Variants in DLG2 observed in about 807,000 individuals in gnomAD.
DLG2 encodes disks large homolog 2.
DLG2 carries 45 observed loss-of-function variants against 132.5 expected under a neutral mutation model. That is an observed-to-expected ratio of 0.34 (90% confidence interval 0.27 to 0.44). DLG2 has a LOEUF of 0.44. Among genes scored for constraint, DLG2 ranks in the 20% least tolerant of loss-of-function variants. The pLI is 1.00. For synonymous variants in DLG2, 424 were observed against 419.6 expected (o/e 1.01, Z -0.13); for missense variants, 1,045 against 1,196.9 (o/e 0.87, Z 1.87).
At chr11:85,262,413 T>A (rs2076988514) in intron 4 of DLG2, among the ~76,000 whole-genome samples, 1 of 152,154 alleles carries the variant, frequency 6.6e-6, no homozygotes, top group South Asian at 2.1e-4. Flanking sequence ...AAGGAATTCT[T>A]AACAAGACCC....
chr11:83,529,213 C>T (rs564978006), intron 21 of DLG2, among the ~76,000 whole-genome samples: 2 of 152,242 alleles, frequency 1.3e-5, no homozygotes, highest in South Asian at 4.1e-4. Flanking sequence ...GAATTTATCC[C>T]AAGGTCCCAG....
intron 20 of DLG2, among the ~76,000 whole-genome samples, 178 bp from the exon 21 acceptor site, chr11:83,532,961 A>T (rs944318396): frequency 1.4e-4 from 22 of 152,192 alleles, no homozygotes; most frequent in African/African-American, 5.1e-4. Flanking sequence ...CTAAGTTTCT[A>T]ACATGTCCCT....
intron 8 of DLG2, among the ~76,000 whole-genome samples, chr11:84,192,562 C>T (rs2096432625): frequency 6.6e-6 from 1 of 151,956 alleles, no homozygotes; most frequent in South Asian, 2.1e-4. Flanking sequence ...AATCCTGTCT[C>T]TAATAAAAAT....
At chr11:84,764,896 T>C (rs151287412) in intron 6 of DLG2, among the ~76,000 whole-genome samples, 1 of 152,178 alleles carries the variant, frequency 6.6e-6, no homozygotes, top group Non-Finnish European at 1.5e-5. Context: ...GTTCAGTTCA[T>C]GGAGGATGAA....
chr11:83,989,911 T>C (rs914040541), intron 11 of DLG2, among the ~76,000 whole-genome samples: 15 of 152,074 alleles, frequency 9.9e-5, no homozygotes, highest in African/African-American at 3.6e-4. Context: ...TAAAGAAAAT[T>C]GGTTACCATT....
At chr11:84,582,052 A>G (rs760284816) in intron 6 of DLG2, among the ~76,000 whole-genome samples, 57 of 152,058 alleles carry the variant, frequency 3.7e-4, no homozygotes, top group Non-Finnish European at 7.8e-4. Context: ...AGAAAGCGGC[A>G]GGACTATGAT....
intron 6 of DLG2, among the ~76,000 whole-genome samples, chr11:84,911,159 G>C (rs1008944064): frequency 2.6e-5 from 4 of 152,014 alleles, no homozygotes; most frequent in African/African-American, 9.7e-5. Flanking sequence ...AACCCAATAA[G>C]GTGCAATGTT....
chr11:85,466,791 G>A (rs1366760832), intron 3 of DLG2, among the ~76,000 whole-genome samples: 1 of 152,108 alleles, frequency 6.6e-6, no homozygotes, highest in Non-Finnish European at 1.5e-5. Flanking sequence ...TTGGCAATGT[G>A]GGTTCTTTTT....
At chr11:84,587,099 G>A (rs1401816687) in intron 6 of DLG2, among the ~76,000 whole-genome samples, 1 of 151,720 alleles carries the variant, frequency 6.6e-6, no homozygotes, top group Non-Finnish European at 1.5e-5. Context: ...GGGAGAGTGT[G>A]AGAAGTACAT....
At chr11:83,680,054 G>C (rs1293378199) in intron 18 of DLG2, among the ~76,000 whole-genome samples, 2 of 152,052 alleles carry the variant, frequency 1.3e-5, no homozygotes, top group Non-Finnish European at 2.9e-5. Context: ...CCTGTAAGAG[G>C]GTTCTTGTCA....
chr11:85,587,553 A>G (rs919252164), intron 3 of DLG2, among the ~76,000 whole-genome samples: 2 of 152,058 alleles, frequency 1.3e-5, no homozygotes, highest in Admixed American at 1.3e-4. Context: ...TTCATGGGGT[A>G]TCTTTTTCCA....
At chr11:85,294,034 G>T (rs1009427743) in intron 3 of DLG2, among the ~76,000 whole-genome samples, 5 of 151,976 alleles carry the variant, frequency 3.3e-5, no homozygotes, top group African/African-American at 1.2e-4. Flanking sequence ...TTGAAGCCAG[G>T]AGTTTAAGAC....
chr11:84,593,536 C>T (rs1471478291), intron 6 of DLG2, among the ~76,000 whole-genome samples: 1 of 152,140 alleles, frequency 6.6e-6, no homozygotes, highest in Non-Finnish European at 1.5e-5. Flanking sequence ...TCTCAGCAAA[C>T]TAACACAGGA....
chr11:83,948,900 T>C (rs566398819), intron 14 of DLG2, among the ~76,000 whole-genome samples: 1 of 152,200 alleles, frequency 6.6e-6, no homozygotes, highest in Non-Finnish European at 1.5e-5. Context: ...CAAATACTTA[T>C]CTTTTCACTA....
intron 18 of DLG2, among the ~76,000 whole-genome samples, chr11:83,760,401 T>C (rs1256743275): frequency 6.6e-6 from 1 of 152,074 alleles, no homozygotes. Context: ...ACATATTCTT[T>C]CTCATTTCTA....
At chr11:84,070,095 T>C (rs115864020) in intron 10 of DLG2, among the ~76,000 whole-genome samples, 84 of 152,346 alleles carry the variant, frequency 5.5e-4, no homozygotes, top group Middle Eastern at 3.4e-3. Context: ...AACCCTTTTA[T>C]CATTTCATTT....
intron 6 of DLG2, among the ~76,000 whole-genome samples, chr11:84,998,716 T>C (rs1253716051): frequency 6.6e-6 from 1 of 152,046 alleles, no homozygotes; most frequent in African/African-American, 2.4e-5. Flanking sequence ...TTATTATAAT[T>C]TTCATGTTGC....
At chr11:84,002,301 G>T (rs1045708451) in intron 11 of DLG2, among the ~76,000 whole-genome samples, 1 of 152,126 alleles carries the variant, frequency 6.6e-6, no homozygotes, top group Non-Finnish European at 1.5e-5. Context: ...ACCATCCTAG[G>T]GTCTGGAGGA....
chr11:83,850,965 A>G (rs2154029512), intron 16 of DLG2, among the ~76,000 whole-genome samples: 1 of 152,142 alleles, frequency 6.6e-6, no homozygotes, highest in South Asian at 2.1e-4. Context: ...TCACGAGGTC[A>G]GGAGATCGAG....
Sources: gnomAD v4.1 joint callset for allele counts (sites outside exome capture counted in the v4.1 genomes callset) on GRCh38, gnomAD v4.1.1 for gene constraint, MANE v1.5 for transcripts, NCBI Gene and HGNC (gene_info 2026-07-23, HGNC 2026-07-21) for gene names.